OSBPL9: variants seen among roughly 807,000 people sequenced by gnomAD.
OSBPL9 encodes the protein oxysterol-binding protein-related protein 9.
In OSBPL9, 40 loss-of-function variants were observed where a neutral mutation model predicts 106.6. That is an observed-to-expected ratio of 0.38 (90% CI 0.29 to 0.49). The LOEUF is 0.49. Among genes scored for constraint, OSBPL9 ranks in the 20% least tolerant of loss-of-function variants. The pLI, the probability that OSBPL9 is intolerant of heterozygous loss-of-function variation, is 0.97. For synonymous variants in OSBPL9, 269 were observed against 295.4 expected (o/e 0.91, Z 0.92); for missense variants, 609 against 887.2 (o/e 0.69, Z 3.98).
intron 1 of OSBPL9, among the ~76,000 whole-genome samples, chr1:51,646,613 G>A (rs1570762996): frequency 6.6e-6 from 1 of 151,922 alleles, no homozygotes; most frequent in Non-Finnish European, 1.5e-5. Context: ...GCACAATCTC[G>A]GCTCACTACA....
intron 14 of OSBPL9, among the ~76,000 whole-genome samples, chr1:51,775,479 T>C (rs1674843365): frequency 6.6e-6 from 1 of 152,214 alleles, no homozygotes; most frequent in Non-Finnish European, 1.5e-5. Flanking sequence ...GCATGATCTT[T>C]CCTTGAACTG....
intron 9 of OSBPL9, chr1:51,759,480 T>G (rs578118926): frequency 6.8e-4 from 103 of 152,316 alleles, no homozygotes; most frequent in African/African-American, 2.1e-3. Flanking sequence ...TTGGGCTTAT[T>G]TATTGGCAAA....
At chr1:51,631,311 G>A (rs1645090436) in intron 1 of OSBPL9, among the ~76,000 whole-genome samples, 1 of 152,120 alleles carries the variant, frequency 6.6e-6, no homozygotes, top group South Asian at 2.1e-4. Flanking sequence ...GGAAGTAGCA[G>A]CAGGAGGATC....
intron 2 of OSBPL9, among the ~76,000 whole-genome samples, chr1:51,662,950 T>C (rs961503360): frequency 3.9e-5 from 6 of 152,048 alleles, no homozygotes; most frequent in East Asian, 1.9e-4. Flanking sequence ...TTCACCGTGT[T>C]AGCCAGGATG....
intron 1 of OSBPL9, among the ~76,000 whole-genome samples, chr1:51,620,680 G>A (rs1644371640): frequency 1.3e-5 from 2 of 152,168 alleles, no homozygotes; most frequent in Non-Finnish European, 2.9e-5. Context: ...GAGGTAGGTA[G>A]TAGTGAGAGA....
intron 8 of OSBPL9, among the ~76,000 whole-genome samples, chr1:51,750,521 G>C (rs1669008068): frequency 6.6e-6 from 1 of 152,142 alleles, no homozygotes. Context: ...AGAAAATAGA[G>C]AAGTAAGTTC....
chr1:51,689,681 T>C (rs1202876757), intron 3 of OSBPL9, among the ~76,000 whole-genome samples: 1 of 152,218 alleles, frequency 6.6e-6, no homozygotes, highest in Non-Finnish European at 1.5e-5. Context: ...ATTAGTTGAG[T>C]CTGAGACTCT....
chr1:51,685,126 T>C (rs1308375422), intron 3 of OSBPL9, among the ~76,000 whole-genome samples: 2 of 152,114 alleles, frequency 1.3e-5, no homozygotes, highest in Non-Finnish European at 2.9e-5. Context: ...TCTAAAGAAA[T>C]ATTTGAGTGT....
chr1:51,652,439 A>G (rs928961870), intron 2 of OSBPL9, among the ~76,000 whole-genome samples: 1 of 152,236 alleles, frequency 6.6e-6, no homozygotes, highest in Admixed American at 6.5e-5. Flanking sequence ...TAATCATGGT[A>G]TATATAGCAG....
chr1:51,660,783 T>C (rs759253213), intron 2 of OSBPL9, among the ~76,000 whole-genome samples: 3 of 152,346 alleles, frequency 2.0e-5, no homozygotes, highest in South Asian at 2.1e-4. Context: ...CTCTCTAGAC[T>C]GTATGTTCCT....
At chr1:51,584,000 T>C (rs921968701) in intron 1 of OSBPL9, among the ~76,000 whole-genome samples, 3 of 152,128 alleles carry the variant, frequency 2.0e-5, no homozygotes, top group African/African-American at 7.2e-5. Flanking sequence ...GATCCCACAA[T>C]TCAATCTACC....
intron 3 of OSBPL9, among the ~76,000 whole-genome samples, chr1:51,690,432 G>T (rs538230953): frequency 5.4e-4 from 82 of 152,324 alleles, no homozygotes; most frequent in African/African-American, 1.7e-3. Context: ...AGGAACACTT[G>T]TGTAAATATT....
the OSBPL9 span, among the ~76,000 whole-genome samples, chr1:51,555,594 G>A: frequency 6.6e-6 from 1 of 152,126 alleles, no homozygotes; most frequent in Admixed American, 6.5e-5. Context: ...TTGAGAGGGA[G>A]TCTTGCTCTG....
At chr1:51,693,786 G>A (rs1417147398) in intron 3 of OSBPL9, among the ~76,000 whole-genome samples, 1 of 152,162 alleles carries the variant, frequency 6.6e-6, no homozygotes, top group Non-Finnish European at 1.5e-5. Flanking sequence ...TGACTACTCA[G>A]CATGTCCCAA....
intron 4 of OSBPL9, among the ~76,000 whole-genome samples, chr1:51,743,483 G>T (rs1307655559): frequency 6.6e-6 from 1 of 152,118 alleles, no homozygotes; most frequent in Non-Finnish European, 1.5e-5. Flanking sequence ...TCGGTAATTT[G>T]TTTAAAAAGG....
the OSBPL9 span, among the ~76,000 whole-genome samples, chr1:51,533,016 T>C: frequency 6.6e-6 from 1 of 152,102 alleles, no homozygotes; most frequent in East Asian, 1.9e-4. Context: ...TGGTAATTAA[T>C]TGGTAATTGG....
chr1:51,693,267 G>A (rs573513224), intron 3 of OSBPL9, among the ~76,000 whole-genome samples: 3 of 151,886 alleles, frequency 2.0e-5, no homozygotes, highest in Admixed American at 6.6e-5. Flanking sequence ...AGCCACTTAG[G>A]AGGCTGAAGC....
At chr1:51,534,372 G>A in the OSBPL9 span, among the ~76,000 whole-genome samples, 1 of 152,014 alleles carries the variant, frequency 6.6e-6, no homozygotes, top group African/African-American at 2.4e-5. Flanking sequence ...CCCCTCTATG[G>A]CAATGATAAT....
At chr1:51,699,768 C>T (rs1315124172) in intron 3 of OSBPL9, among the ~76,000 whole-genome samples, 2 of 152,094 alleles carry the variant, frequency 1.3e-5, no homozygotes, top group East Asian at 1.9e-4. Flanking sequence ...TGTTATGGCT[C>T]CCAGGCCCTC....
Sources: gnomAD v4.1 joint callset for allele counts (sites outside exome capture counted in the v4.1 genomes callset) on GRCh38, gnomAD v4.1.1 for gene constraint, MANE v1.5 for transcripts, NCBI Gene and HGNC (gene_info 2026-07-23, HGNC 2026-07-21) for gene names.